DTNB: variants seen among roughly 807,000 people sequenced by gnomAD.
The protein encoded by DTNB is dystrobrevin beta.
A neutral mutation model predicts 90.7 loss-of-function variants in DTNB; 63 were observed. That is an observed-to-expected ratio of 0.69 (90% CI 0.57 to 0.86). DTNB has a LOEUF of 0.86. Among genes scored for constraint, DTNB ranks in the 40% least tolerant of loss-of-function variants. The pLI is 0.00. For synonymous variants in DTNB, 277 were observed against 286.7 expected, an observed-to-expected ratio of 0.97 and a Z score of 0.34; for missense variants, 744 against 807.1, an observed-to-expected ratio of 0.92 and a Z score of 0.95.
intron 4 of DTNB, among the ~76,000 whole-genome samples, chr2:25,626,605 A>C (rs2074216085): frequency 6.6e-6 from 1 of 152,220 alleles, no homozygotes; most frequent in South Asian, 2.1e-4. Flanking sequence ...CAAAAAAATA[A>C]GTAAATTTCT....
chr2:25,404,743 T>A (rs1399890388), intron 16 of DTNB, among the ~76,000 whole-genome samples: 2 of 151,984 alleles, frequency 1.3e-5, no homozygotes, highest in Non-Finnish European at 2.9e-5. Context: ...TAATCCCAGC[T>A]ACTCGGGAGG....
chr2:25,536,148 C>T (rs1346830436), intron 8 of DTNB, among the ~76,000 whole-genome samples: 1 of 150,754 alleles, frequency 6.6e-6, no homozygotes, highest in Non-Finnish European at 1.5e-5. Flanking sequence ...AGACGATGGG[C>T]GGCCACGCAG....
rs546110307 is a variant in DTNB at position 25,562,135 on chromosome 2, G to A, written c.876+14703C>T. Among the ~76,000 whole-genome samples the A allele has an allele frequency of 7.9e-5, 12 of 152,238 alleles. No homozygotes were observed. The South Asian group carries it at 2.5e-3, about 32-fold the overall frequency. On this transcript the variant is annotated intron_variant, in intron 8 of 20. Coordinates refer to ENST00000406818, the MANE Select transcript of DTNB (RefSeq NM_021907.5). ...TTGCCTATTCTGTATATTTCATTCTGTCTCTATGCATTTGCCCATTCTGTA... is the reference window on the plus strand; with the variant it reads ...TTGCCTATTCTGTATATTTCATTCTATCTCTATGCATTTGCCCATTCTGTA...
At chr2:25,388,946 A>G (rs1420011006) in intron 16 of DTNB, among the ~76,000 whole-genome samples, 1 of 152,018 alleles carries the variant, frequency 6.6e-6, no homozygotes, top group Middle Eastern at 3.2e-3. Context: ...TCCCAGGTTC[A>G]AGAGATTCTC....
intron 3 of DTNB, among the ~76,000 whole-genome samples, chr2:25,637,470 G>C (rs1429157756): frequency 6.6e-6 from 1 of 152,132 alleles, no homozygotes; most frequent in East Asian, 1.9e-4. Flanking sequence ...CTGACAAAGG[G>C]CTAATATCCA....
At chr2:25,532,231 GC>G (rs2078353723) in intron 8 of DTNB, among the ~76,000 whole-genome samples, 1 of 121,226 alleles carries the variant, frequency 8.2e-6, no homozygotes, top group African/African-American at 3.3e-5. Flanking sequence ...GGCAACAAGA[GC>G]AAAACTCTGT....
In DTNB at chr2:25,459,576, C is replaced by T. The variant is rs192530346; in HGVS notation, c.1080-4082G>A. On this transcript the variant is annotated intron_variant, in intron 10 of 20. Coordinates refer to ENST00000406818, the MANE Select transcript of DTNB (RefSeq NM_021907.5). ...TGGCGTGACCTTGGCTCACTGCAAC[C>T]TCAGCCTCCTGGGTTCAAGTGATTC... is the stretch of plus-strand genomic sequence containing the variant. 5.1e-3 allele frequency among the ~76,000 whole-genome samples: 774 copies of T among 152,304 alleles called. 2 individuals are homozygous for T. Among genetic ancestry groups the T allele is most frequent in the Non-Finnish European group, 6.9e-3 (466 of 68,020 alleles).
Position 25,535,513 on chromosome 2 carries a change from C to T in DTNB, c.877-3916G>A, listed in dbSNP as rs556136345. ...CAGACAGGGTTGCTGGGCAGAGGCG[C>T]TCTTCACTTCCCAGACGGGGCGGCC... is the stretch of plus-strand genomic sequence containing the variant. On this transcript the variant is annotated intron_variant, in intron 8 of 20. Transcript: ENST00000406818. Among the ~76,000 whole-genome samples the T allele has an allele frequency of 9.4e-5, 14 of 148,722 alleles. No homozygotes were observed. The South Asian group carries it at 3.0e-3, about 32-fold the overall frequency.
intron 12 of DTNB, among the ~76,000 whole-genome samples, chr2:25,443,596 C>A (rs926483899): frequency 6.6e-6 from 1 of 152,184 alleles, no homozygotes; most frequent in Non-Finnish European, 1.5e-5. Context: ...TCTTTATATT[C>A]CAGGGGCAGC....
At chr2:25,541,571 C>T (rs766925570) in intron 8 of DTNB, among the ~76,000 whole-genome samples, 4 of 152,030 alleles carry the variant, frequency 2.6e-5, no homozygotes, top group South Asian at 2.1e-4. Flanking sequence ...CATGTTGTTG[C>T]GCAACCAATC....
intron 10 of DTNB, among the ~76,000 whole-genome samples, chr2:25,456,049 G>A (rs551246194): frequency 1.1e-4 from 17 of 152,216 alleles, no homozygotes; most frequent in African/African-American, 3.6e-4. Context: ...TTAGAACTGC[G>A]CCTAATTATA....
intron 10 of DTNB, among the ~76,000 whole-genome samples, chr2:25,478,112 T>C (rs1455251182): frequency 6.6e-6 from 1 of 152,222 alleles, no homozygotes; most frequent in Non-Finnish European, 1.5e-5. Context: ...TGCTATCTGT[T>C]ACTTTCCTTT....
In DTNB at chr2:25,388,247, A is replaced by G. The variant is rs1282550455; in HGVS notation, c.1690T>C (p.Ser564Pro). The change falls in exon 17 of 21, where the codon TCG becomes CCG. Residue 564 changes from serine to proline, a missense_variant. Coordinates refer to ENST00000406818, the MANE Select transcript of DTNB (RefSeq NM_021907.5). ...GSTPTHCPQDSLSGVGGDVQE... is the reference protein window; with the variant it reads ...GSTPTHCPQDPLSGVGGDVQE... Reference sequence around the variant, plus strand: ...ACGTCTCCCCCGACTCCGCTCAGCGAGTCCTGCGGACAGTGGGTGGGGGTG... The same window carrying G: ...ACGTCTCCCCCGACTCCGCTCAGCGGGTCCTGCGGACAGTGGGTGGGGGTG... 1 of 1,605,986 alleles carries G rather than the reference A, an allele frequency of 6.2e-7. No individual in the cohort carries two copies.
chr2:25,450,166 T>C (rs987891024), intron 12 of DTNB, among the ~76,000 whole-genome samples: 3 of 152,240 alleles, frequency 2.0e-5, no homozygotes, highest in African/African-American at 7.2e-5. Flanking sequence ...AGTAGCTTTA[T>C]GGTTTTAGCT....
chr2:25,662,678 AC>A (rs752804911), intron 1 of DTNB, among the ~76,000 whole-genome samples: 37,378 of 121,208 alleles, frequency 0.31, 5,196 homozygotes, highest in Non-Finnish European at 0.4. Flanking sequence ...ACACACACAC[AC>A]AAACACACAC....
chr2:25,598,096 C>G (rs1443149160), intron 5 of DTNB, among the ~76,000 whole-genome samples: 2 of 152,198 alleles, frequency 1.3e-5, no homozygotes, highest in Non-Finnish European at 2.9e-5. Context: ...TGACTAACTT[C>G]TAGCTAAAAT....
chr2:25,620,609 T>G (rs1206317318), intron 4 of DTNB, among the ~76,000 whole-genome samples: 1 of 152,196 alleles, frequency 6.6e-6, no homozygotes, highest in Non-Finnish European at 1.5e-5. Flanking sequence ...CAGAAGATTC[T>G]TATTTGTAAA....
intron 6 of DTNB, among the ~76,000 whole-genome samples, chr2:25,581,923 A>G (rs1004955332): frequency 6.6e-6 from 1 of 152,204 alleles, no homozygotes; most frequent in Admixed American, 6.5e-5. Flanking sequence ...CCATGTCCTG[A>G]TCCCACCATT....
At chr2:25,385,473 C>T (rs754420632) in intron 18 of DTNB, among the ~76,000 whole-genome samples, 2 of 152,152 alleles carry the variant, frequency 1.3e-5, no homozygotes, top group Non-Finnish European at 2.9e-5. Flanking sequence ...CTTTGGTCCA[C>T]GTCTACCTAC....
Sources: allele counts gnomAD v4.1 joint callset (sites outside exome capture counted in the v4.1 genomes callset), GRCh38; gene constraint gnomAD v4.1.1; transcripts MANE v1.5; gene names NCBI Gene and HGNC (gene_info 2026-07-23, HGNC 2026-07-21).